The following CTNNA3 variants were observed in gnomAD, a reference collection of about 807,000 sequenced individuals.
The protein encoded by CTNNA3 is catenin alpha 3, also known as catenin alpha-3.
In CTNNA3, 76 loss-of-function variants were observed where a neutral mutation model predicts 95.7. The observed-to-expected ratio is 0.79, with a 90% CI of 0.66 to 0.96. The LOEUF is 0.96. CTNNA3 is among the 40% of genes least tolerant of loss of function. The pLI is 0.00. For synonymous variants in CTNNA3, 431 were observed against 374.4 expected (o/e 1.15, Z -1.74); for missense variants, 1,191 against 1,089.8 (o/e 1.09, Z -1.31).
At chr10:66,446,255 G>T (rs1196483888) in intron 11 of CTNNA3, among the ~76,000 whole-genome samples, 1 of 152,148 alleles carries the variant, frequency 6.6e-6, no homozygotes, top group Admixed American at 6.5e-5. Flanking sequence ...ACAAAGAGGA[G>T]CTGGTACCAT....
chr10:67,255,071 G>T (rs1046665248), intron 5 of CTNNA3, among the ~76,000 whole-genome samples: 16 of 152,092 alleles, frequency 1.1e-4, no homozygotes, highest in African/African-American at 3.1e-4. Flanking sequence ...TGAGGCAGGT[G>T]GATCACCTGA....
At position 67,458,926 on chromosome 10, in the gene CTNNA3, C is replaced by T. The variant is rs540860634; in HGVS notation, c.579+62916G>A. On this transcript the variant is annotated intron_variant, in intron 5 of 17. Coordinates refer to ENST00000433211, the MANE Select transcript of CTNNA3 (RefSeq NM_013266.4). Reference sequence around the variant, plus strand: ...ATCCCCAAGAACGTGGATTATTTCTCATGTGACTTTCTCAAACAACACTTT... The same window carrying T: ...ATCCCCAAGAACGTGGATTATTTCTTATGTGACTTTCTCAAACAACACTTT... Among the ~76,000 whole-genome samples, 186 of 152,232 alleles carry T rather than the reference C, an allele frequency of 1.2e-3. 1 individual carries two copies. Among genetic ancestry groups the T allele is most frequent in the South Asian group, 8.9e-3 (43 of 4,830 alleles).
At chr10:67,248,606 G>T (rs1457562048) in intron 5 of CTNNA3, among the ~76,000 whole-genome samples, 2 of 151,876 alleles carry the variant, frequency 1.3e-5, no homozygotes, top group African/African-American at 4.8e-5. Flanking sequence ...TTTTATTTTG[G>T]TAGAGAGACG....
intron 15 of CTNNA3, among the ~76,000 whole-genome samples, chr10:66,002,145 G>GA (rs2060443089): frequency 6.6e-6 from 1 of 151,794 alleles, no homozygotes; most frequent in Non-Finnish European, 1.5e-5. Flanking sequence ...AGATAAAAAA[G>GA]AAAAAAAGTA....
At chr10:66,857,389 A>ATTT (rs35884945) in intron 7 of CTNNA3, among the ~76,000 whole-genome samples, 1 of 144,020 alleles carries the variant, frequency 6.9e-6, no homozygotes, top group Non-Finnish European at 1.5e-5. Context: ...ATTTGGACTA[A>ATTT]TTTTTTTTTT....
chr10:66,056,096 A>T (rs890981844), intron 15 of CTNNA3, among the ~76,000 whole-genome samples: 1 of 151,966 alleles, frequency 6.6e-6, no homozygotes, highest in African/African-American at 2.4e-5. Context: ...TCCTTGTCTT[A>T]TTTCAGCTGT....
intron 9 of CTNNA3, among the ~76,000 whole-genome samples, chr10:66,628,954 G>T (rs1845037224): frequency 6.6e-6 from 1 of 152,080 alleles, no homozygotes; most frequent in Admixed American, 6.6e-5. Flanking sequence ...ATGATTATGT[G>T]AGGAGAAAAA....
At chr10:67,749,912 C>A (rs1313710471) in intron 1 of CTNNA3, among the ~76,000 whole-genome samples, 2 of 152,122 alleles carry the variant, frequency 1.3e-5, no homozygotes, top group African/African-American at 2.4e-5. Flanking sequence ...AATAGATAGA[C>A]CGTGGGCAAC....
chr10:66,297,838 C>G (rs2091803581), intron 12 of CTNNA3, among the ~76,000 whole-genome samples: 1 of 152,156 alleles, frequency 6.6e-6, no homozygotes, highest in African/African-American at 2.4e-5. Context: ...GTTTGGGCCA[C>G]TGACTGTTTG....
intron 1 of CTNNA3, among the ~76,000 whole-genome samples, chr10:67,674,022 T>A (rs1840491267): frequency 6.6e-6 from 1 of 151,872 alleles, no homozygotes; most frequent in South Asian, 2.1e-4. Flanking sequence ...TTCTCATACA[T>A]GTCTCTTTGT....
intron 5 of CTNNA3, among the ~76,000 whole-genome samples, chr10:67,353,292 T>G (rs959003286): frequency 1.5e-4 from 23 of 152,114 alleles, no homozygotes; most frequent in African/African-American, 5.5e-4. Context: ...ATTGGTCTAC[T>G]GTGGGGCATG....
At chr10:66,418,124 A>G (rs1235391231) in intron 11 of CTNNA3, among the ~76,000 whole-genome samples, 5 of 142,026 alleles carry the variant, frequency 3.5e-5, no homozygotes, top group Non-Finnish European at 6.2e-5. Context: ...AAAAAAAAAA[A>G]AACTACGAGC....
chr10:66,270,913 G>A (rs1346523453), intron 13 of CTNNA3, among the ~76,000 whole-genome samples: 3 of 152,144 alleles, frequency 2.0e-5, no homozygotes, highest in Non-Finnish European at 4.4e-5. Flanking sequence ...AGTAGGATAA[G>A]TGCTCTTTAA....
intron 5 of CTNNA3, among the ~76,000 whole-genome samples, chr10:67,237,011 A>C (rs867067156): frequency 4.0e-5 from 6 of 150,964 alleles, no homozygotes; most frequent in African/African-American, 1.5e-4. Flanking sequence ...AAGTCATTAC[A>C]TGAAAAAGAT....
At chr10:67,153,997 T>C (rs1357416460) in intron 7 of CTNNA3, among the ~76,000 whole-genome samples, 1 of 152,098 alleles carries the variant, frequency 6.6e-6, no homozygotes, top group Admixed American at 6.5e-5. Flanking sequence ...TAATTTCTTA[T>C]AAAATATAAT....
At chr10:66,250,465 G>A (rs1231788194) in intron 13 of CTNNA3, among the ~76,000 whole-genome samples, 1 of 152,128 alleles carries the variant, frequency 6.6e-6, no homozygotes, top group Non-Finnish European at 1.5e-5. Context: ...GCTTGAGAAG[G>A]CAGATATCCC....
intron 11 of CTNNA3, among the ~76,000 whole-genome samples, chr10:66,419,105 T>C (rs2093170204): frequency 6.6e-6 from 1 of 152,112 alleles, no homozygotes; most frequent in Non-Finnish European, 1.5e-5. Flanking sequence ...GATGACATGA[T>C]ACTCATATTT....
chr10:67,190,073 C>T (rs1304461290), intron 6 of CTNNA3, among the ~76,000 whole-genome samples: 2 of 152,066 alleles, frequency 1.3e-5, no homozygotes, highest in Non-Finnish European at 2.9e-5. Flanking sequence ...AGCCTAAAGG[C>T]TATCTTCCAG....
intron 5 of CTNNA3, among the ~76,000 whole-genome samples, chr10:67,309,710 A>G (rs1180491297): frequency 6.6e-6 from 1 of 152,206 alleles, no homozygotes; most frequent in Non-Finnish European, 1.5e-5. Context: ...CTATTGATCA[A>G]TATACCACAA....
Sources: allele counts gnomAD v4.1 joint callset (sites outside exome capture counted in the v4.1 genomes callset), GRCh38; gene constraint gnomAD v4.1.1; transcripts MANE v1.5; gene names NCBI Gene and HGNC (gene_info 2026-07-23, HGNC 2026-07-21).